The following MEF2C variants were observed in gnomAD, a reference collection of about 807,000 sequenced individuals.
MEF2C encodes the protein myocyte-specific enhancer factor 2C.
MEF2C carries 6 observed loss-of-function variants against 50.5 expected under a neutral mutation model. The observed-to-expected ratio is 0.12, with a 90% CI of 0.07 to 0.23. MEF2C has a LOEUF of 0.23. Among genes scored for constraint, MEF2C ranks in the 10% least tolerant of loss-of-function variants. The pLI is 1.00. For synonymous variants in MEF2C, 183 were observed against 228.0 expected, an observed-to-expected ratio of 0.80 and a Z score of 1.78; for missense variants, 276 against 605.0, an observed-to-expected ratio of 0.46 and a Z score of 5.70.
chr5:88,793,625 T>C (rs543445754), intron 3 of MEF2C, among the ~76,000 whole-genome samples: 6 of 152,230 alleles, frequency 3.9e-5, no homozygotes, highest in African/African-American at 1.2e-4. Context: ...TGTATCTATA[T>C]AGCACATAAA....
At chr5:88,887,923 C>G (rs969392073), upstream of MEF2C, among the ~76,000 whole-genome samples, 1 of 152,208 alleles carries the variant, frequency 6.6e-6, no homozygotes, top group African/African-American at 2.4e-5. Context: ...TTACACATAT[C>G]TAAGGATTCT....
intron 1 of MEF2C, among the ~76,000 whole-genome samples, chr5:88,849,945 G>A (rs994435624): frequency 7.9e-5 from 12 of 152,110 alleles, no homozygotes; most frequent in African/African-American, 2.6e-4. Flanking sequence ...TTTTTTGTTT[G>A]TTTATTATAC....
intron 6 of MEF2C, chr5:88,735,619 A>G (rs1763754265): frequency 1.0e-6 from 1 of 981,660 alleles, no homozygotes; most frequent in Non-Finnish European, 1.2e-6. Context: ...GGATTAGAGA[A>G]TCTACCTCTT....
chr5:88,772,675 C>T (rs1782909478), intron 3 of MEF2C: 1 of 940,992 alleles, frequency 1.1e-6, no homozygotes, highest in Non-Finnish European at 1.3e-6. Flanking sequence ...TCAACTTCTT[C>T]CCACATAATA....
chr5:88,770,219 G>A (rs1053351774), intron 3 of MEF2C, among the ~76,000 whole-genome samples: 7 of 152,132 alleles, frequency 4.6e-5, no homozygotes, highest in African/African-American at 1.7e-4. Flanking sequence ...CTTGCAAATG[G>A]GTTGGTTACA....
chr5:88,761,069 A>T (rs201296342), intron 4 of MEF2C, 116 bp downstream of exon 4: 4 of 1,614,000 alleles, frequency 2.5e-6, no homozygotes, highest in Non-Finnish European at 3.4e-6. Flanking sequence ...GGGTGAGTGC[A>T]TAAGAGGAGT....
At chr5:88,826,281 T>C (rs777849303) in intron 1 of MEF2C, among the ~76,000 whole-genome samples, 2 of 152,052 alleles carry the variant, frequency 1.3e-5, no homozygotes, top group Non-Finnish European at 2.9e-5. Context: ...ATTTTCTTTT[T>C]TGAAATATGC....
intron 1 of MEF2C, among the ~76,000 whole-genome samples, chr5:88,865,901 T>C (rs986244143): frequency 6.6e-6 from 1 of 151,866 alleles, no homozygotes; most frequent in African/African-American, 2.4e-5. Context: ...TTTCTTTTTT[T>C]TTTTTTTCTT....
intron 1 of MEF2C, among the ~76,000 whole-genome samples, chr5:88,873,701 G>A (rs948011479): frequency 2.0e-4 from 26 of 127,462 alleles, no homozygotes; most frequent in Non-Finnish European, 3.0e-4. Context: ...TATCAATGTC[G>A]TCACGGATTT....
At position 88,869,252 on chromosome 5, in the gene MEF2C, C is replaced by CATAT. The variant is rs369495366; in HGVS notation, c.-143+13699_-143+13702dup. On this transcript the variant is annotated intron_variant, in intron 1 of 10. Coordinates refer to ENST00000504921, the MANE Select transcript of MEF2C (RefSeq NM_002397.5). The stretch of plus-strand genomic sequence containing the variant: ...TAGGCAGAAATCTAAAACTAGTTTT[C>CATAT]ATATATATATATATATATATATATA... 2.7e-3 allele frequency among the ~76,000 whole-genome samples: 246 copies of CATAT among 89,926 alleles called. 1 individual carries two copies. The highest frequency in any genetic ancestry group is 0.015 in the South Asian group (40 of 2,748). 59.0% of individuals were successfully genotyped at this position (89,926 alleles called of 152,430 possible).
At chr5:88,884,142 G>C (rs917327443), upstream of MEF2C, among the ~76,000 whole-genome samples, 4 of 152,202 alleles carry the variant, frequency 2.6e-5, no homozygotes, top group Non-Finnish European at 5.9e-5. Context: ...CTCCCGCTGC[G>C]GCGCGCTCGC....
chr5:88,843,974 T>C (rs527547321), intron 1 of MEF2C, among the ~76,000 whole-genome samples: 1 of 152,190 alleles, frequency 6.6e-6, no homozygotes, highest in African/African-American at 2.4e-5. Flanking sequence ...CACGCCTGGA[T>C]AATTTTTTTG....
intron 1 of MEF2C, among the ~76,000 whole-genome samples, chr5:88,836,744 C>T (rs1289665825): frequency 6.6e-6 from 1 of 152,114 alleles, no homozygotes; most frequent in Admixed American, 6.5e-5. Context: ...CCCAAGTCAT[C>T]CTCGGCAGAT....
rs747145561 is a variant in MEF2C at position 88,844,979 on chromosome 5, C to CA, written c.-142-21050dup. Reference sequence around the variant, plus strand: ...TAATAAATGTCTATGCCTTTCTTATCAAATGATTCTTAAGAGTTCTGTGTA... The same window carrying CA: ...TAATAAATGTCTATGCCTTTCTTATCAAAATGATTCTTAAGAGTTCTGTGTA... On this transcript the variant is annotated intron_variant, in intron 1 of 10. Coordinates refer to ENST00000504921, the MANE Select transcript of MEF2C (RefSeq NM_002397.5). Among the ~76,000 whole-genome samples the CA allele has an allele frequency of 1.4e-3, 215 of 152,302 alleles. No homozygotes were observed. In the Middle Eastern group the frequency reaches 0.017, roughly 12 times the overall value.
At chr5:88,885,755 C>T (rs997589347), upstream of MEF2C, among the ~76,000 whole-genome samples, 1 of 152,134 alleles carries the variant, frequency 6.6e-6, no homozygotes, top group Non-Finnish European at 1.5e-5. Flanking sequence ...AAGTTTATTG[C>T]CATAATACCT....
At chr5:88,741,937 ATACT>A (rs1304976532) in intron 6 of MEF2C, 2 of 985,068 alleles carry the variant, frequency 2.0e-6, no homozygotes, top group East Asian at 1.1e-4. Context: ...TCTTGGTATA[ATACT>A]TAAGTTTAAC....
At chr5:88,727,979 T>C (rs1455659692) in intron 10 of MEF2C, among the ~76,000 whole-genome samples, 3 of 152,098 alleles carry the variant, frequency 2.0e-5, no homozygotes, top group South Asian at 2.1e-4. Context: ...ATTAGTATTA[T>C]ATGTACTAGT....
intron 2 of MEF2C, among the ~76,000 whole-genome samples, chr5:88,809,471 A>G (rs1318237462): frequency 6.6e-6 from 1 of 152,170 alleles, no homozygotes; most frequent in Non-Finnish European, 1.5e-5. Context: ...ACATAAAATA[A>G]TATCTCCCTT....
chr5:88,729,685 T>TA (rs370296425), intron 8 of MEF2C, among the ~76,000 whole-genome samples: 8 of 151,428 alleles, frequency 5.3e-5, no homozygotes, highest in Admixed American at 1.3e-4. Flanking sequence ...AAATGCAAAT[T>TA]AAAAAAAAAT....
Sources: allele counts gnomAD v4.1 joint callset (sites outside exome capture counted in the v4.1 genomes callset), GRCh38; gene constraint gnomAD v4.1.1; transcripts MANE v1.5; gene names NCBI Gene and HGNC (gene_info 2026-07-23, HGNC 2026-07-21).